Variants in CCSER1 observed in about 807,000 individuals in gnomAD.
CCSER1 encodes serine-rich coiled-coil domain-containing protein 1.
A neutral mutation model predicts 82.0 loss-of-function variants in CCSER1; 41 were observed. That is an observed-to-expected ratio of 0.50 (90% CI 0.39 to 0.65). The LOEUF (loss-of-function observed/expected upper bound fraction) is 0.65. Ranked by LOEUF, CCSER1 falls within the 30% of genes least tolerant of loss-of-function variation. The pLI is 0.00. For synonymous variants in CCSER1, 414 were observed against 383.9 expected (o/e 1.08, Z -0.92); for missense variants, 1,119 against 1,064.2 (o/e 1.05, Z -0.72).
At chr4:90,764,665 T>C (rs1399663018) in intron 7 of CCSER1, among the ~76,000 whole-genome samples, 2 of 152,270 alleles carry the variant, frequency 1.3e-5, no homozygotes, top group Middle Eastern at 3.4e-3. Context: ...TAATATTGGC[T>C]TTTGCAACTC....
chr4:90,722,558 G>A (rs1742856800), intron 6 of CCSER1, among the ~76,000 whole-genome samples: 1 of 151,756 alleles, frequency 6.6e-6, no homozygotes. Flanking sequence ...TGAAATTAAA[G>A]TCAATAACTA....
At chr4:90,483,109 C>A (rs1399590271) in intron 5 of CCSER1, among the ~76,000 whole-genome samples, 2 of 152,136 alleles carry the variant, frequency 1.3e-5, no homozygotes, top group Admixed American at 1.3e-4. Flanking sequence ...TTGAATTGAT[C>A]CCTTTACCAT....
At chr4:90,795,147 C>A (rs186229913) in intron 7 of CCSER1, among the ~76,000 whole-genome samples, 1 of 151,972 alleles carries the variant, frequency 6.6e-6, no homozygotes, top group South Asian at 2.1e-4. Context: ...CTTAGCTAGG[C>A]GTGGTTGCGG....
At chr4:91,586,530 ATGAAAGTGC>A (rs1428933793) in intron 10 of CCSER1, among the ~76,000 whole-genome samples, 1 of 151,746 alleles carries the variant, frequency 6.6e-6, no homozygotes, top group African/African-American at 2.4e-5. Flanking sequence ...GGAATTCAAA[ATGAAAGTGC>A]TGAACTCCAT....
intron 3 of CCSER1, among the ~76,000 whole-genome samples, chr4:90,358,205 A>G (rs1038871473): frequency 2.0e-5 from 3 of 152,022 alleles, no homozygotes; most frequent in African/African-American, 7.2e-5. Flanking sequence ...TTTTTTGTTT[A>G]TCTATTTAAA....
chr4:90,703,088 C>T (rs924721359), intron 6 of CCSER1, among the ~76,000 whole-genome samples: 14 of 152,222 alleles, frequency 9.2e-5, no homozygotes, highest in African/African-American at 2.9e-4. Context: ...TAGATCTTTC[C>T]TGCTTTCTCT....
intron 5 of CCSER1, among the ~76,000 whole-genome samples, chr4:90,537,003 T>A (rs1381661041): frequency 1.3e-5 from 2 of 152,208 alleles, no homozygotes; most frequent in African/African-American, 4.8e-5. Context: ...GATTATCTCA[T>A]CTTAGTAAAT....
chr4:91,177,114 A>G (rs1029599983), intron 10 of CCSER1, among the ~76,000 whole-genome samples: 2 of 152,090 alleles, frequency 1.3e-5, no homozygotes, highest in African/African-American at 4.8e-5. Context: ...TATATGATGG[A>G]TTATGTTTAT....
chr4:90,383,531 T>C (rs909368941), intron 3 of CCSER1, among the ~76,000 whole-genome samples: 1 of 152,248 alleles, frequency 6.6e-6, no homozygotes, highest in Admixed American at 6.5e-5. Context: ...TCTGGAAAAA[T>C]GCTAGCAGCC....
intron 1 of CCSER1, among the ~76,000 whole-genome samples, chr4:90,260,126 T>C (rs566742740): frequency 6.6e-6 from 1 of 152,212 alleles, no homozygotes; most frequent in Non-Finnish European, 1.5e-5. Flanking sequence ...TTTAAAATTA[T>C]TGATTCAGTC....
intron 10 of CCSER1, among the ~76,000 whole-genome samples, chr4:91,558,328 T>C (rs918077406): frequency 6.6e-6 from 1 of 151,656 alleles, no homozygotes; most frequent in African/African-American, 2.4e-5. Context: ...TTCCTCAACA[T>C]AGCTAGCGTA....
At chr4:91,285,191 G>A (rs776062599) in intron 10 of CCSER1, among the ~76,000 whole-genome samples, 1 of 149,800 alleles carries the variant, frequency 6.7e-6, no homozygotes, top group Non-Finnish European at 1.5e-5. Flanking sequence ...TTAAATATAG[G>A]CATTACGGCA....
intron 10 of CCSER1, among the ~76,000 whole-genome samples, chr4:91,147,239 A>G (rs1283290205): frequency 6.6e-6 from 1 of 152,136 alleles, no homozygotes; most frequent in Non-Finnish European, 1.5e-5. Flanking sequence ...TGTGGCACTA[A>G]CAGCCTGGTA....
intron 9 of CCSER1, among the ~76,000 whole-genome samples, chr4:91,045,744 A>G (rs1474703112): frequency 1.3e-5 from 2 of 152,004 alleles, no homozygotes; most frequent in Non-Finnish European, 2.9e-5. Context: ...TTTTCATTAT[A>G]TAGTTAGACA....
chr4:90,562,624 ACT>A (rs1778910159), intron 5 of CCSER1, among the ~76,000 whole-genome samples: 1 of 151,778 alleles, frequency 6.6e-6, no homozygotes, highest in Admixed American at 6.6e-5. Context: ...GGCAGCCTTG[ACT>A]TCCCAGAATC....
chr4:91,370,039 A>G (rs1471700581), intron 10 of CCSER1, among the ~76,000 whole-genome samples: 1 of 151,936 alleles, frequency 6.6e-6, no homozygotes, highest in Non-Finnish European at 1.5e-5. Context: ...TATGATACTT[A>G]TTGTGGTTTC....
At position 91,362,095 on chromosome 4, in the gene CCSER1, A is replaced by G. The variant is rs1264266870; in HGVS notation, c.2218-236477A>G. Among the ~76,000 whole-genome samples, 5 of 151,868 alleles carry G rather than the reference A, an allele frequency of 3.3e-5. No individual in the cohort carries two copies. The East Asian group carries it at 9.6e-4, about 29-fold the overall frequency. ...CATATTTGAGAGACTGCAAGGGGTC[A>G]AGTGTGGCTGCAGAGAAGGAATCTA... On this transcript the variant is annotated intron_variant, in intron 10 of 10. Transcript: ENST00000509176.
chr4:90,726,395 T>C (rs1743645897), intron 7 of CCSER1, among the ~76,000 whole-genome samples: 1 of 151,992 alleles, frequency 6.6e-6, no homozygotes, highest in South Asian at 2.1e-4. Flanking sequence ...AGATAAGAAA[T>C]TGGCTATTGT....
intron 7 of CCSER1, among the ~76,000 whole-genome samples, chr4:90,809,476 G>A (rs1326505034): frequency 6.6e-6 from 1 of 152,120 alleles, no homozygotes; most frequent in Non-Finnish European, 1.5e-5. Context: ...ATAAGTGGGA[G>A]CTAAGCTGTG....
Sources: gnomAD v4.1 joint callset for allele counts (sites outside exome capture counted in the v4.1 genomes callset) on GRCh38, gnomAD v4.1.1 for gene constraint, MANE v1.5 for transcripts, NCBI Gene and HGNC (gene_info 2026-07-23, HGNC 2026-07-21) for gene names.